The following TMOD2 variants were observed in gnomAD, a reference collection of about 807,000 sequenced individuals.
The protein encoded by TMOD2 is tropomodulin 2.
Under a neutral mutation model 39.9 loss-of-function variants are expected in TMOD2, and 22 were observed. That is an observed-to-expected ratio of 0.55 (90% CI 0.39 to 0.79). The LOEUF is 0.79. Ranked by LOEUF, TMOD2 falls within the 30% of genes least tolerant of loss-of-function variation. TMOD2 has a pLI of 0.00. For synonymous variants in TMOD2, 123 were observed against 146.1 expected, an observed-to-expected ratio of 0.84 and a Z score of 1.14; for missense variants, 386 against 413.3, an observed-to-expected ratio of 0.93 and a Z score of 0.57.
At chr15:51,805,552 C>T (rs1178305698) in intron 8 of TMOD2, among the ~76,000 whole-genome samples, 1 of 152,140 alleles carries the variant, frequency 6.6e-6, no homozygotes, top group African/African-American at 2.4e-5. Flanking sequence ...TATTTGATAG[C>T]ACAAATATAA....
Position 51,813,896 on chromosome 15 carries a change from G to C in TMOD2, c.*5442G>C, listed in dbSNP as rs2056172977. On this transcript the variant is annotated 3_prime_UTR_variant, in exon 10 of 10. Transcript: ENST00000249700. Reference sequence around the variant, plus strand: ...ACTGTTTTCCACTGCCTCTTGAATCGGCTTTATTCTAACCAACCATTACAT... The same window carrying C: ...ACTGTTTTCCACTGCCTCTTGAATCCGCTTTATTCTAACCAACCATTACAT... 6.6e-6 allele frequency: 1 copy of C among 152,078 alleles called. No homozygotes were observed. The highest frequency in any genetic ancestry group is 1.5e-5 in the Non-Finnish European group (1 of 68,010). The allele number at this position is 152,078 out of a possible 1,614,324, so 9.4% of individuals were successfully genotyped here. A position where few individuals can be genotyped will look rare whatever the true frequency, so the allele number is the denominator to read the frequency against.
rs34791185 is a variant in TMOD2 at position 51,768,322 on chromosome 15, C to G, written c.187C>G (p.Pro63Ala). 5.9e-3 allele frequency: 9,466 copies of G among 1,614,130 alleles called. 877 individuals carry two copies. In the Admixed American group the frequency reaches 0.15, roughly 26 times the overall value. Residue 63 changes from proline to alanine, a missense_variant, in exon 3 of 10, where the codon CCC becomes GCC. Pro to Ala is a conservative substitution (Grantham distance 27, BLOSUM62 -1). Transcript: ENST00000249700. ...CCAGACACAGAAGGCAGCCACCGGC[C>G]CCTTTGACCGCGAGCACCTCCTCAT... Reference protein sequence around the residue: ...KDQTQKAATGPFDREHLLMYL... With the variant: ...KDQTQKAATGAFDREHLLMYL...
At chr15:51,793,483 G>C (rs1353871614) in intron 7 of TMOD2, among the ~76,000 whole-genome samples, 2 of 152,114 alleles carry the variant, frequency 1.3e-5, no homozygotes, top group Non-Finnish European at 2.9e-5. Context: ...CTACCATTTG[G>C]CCAGTGCAGA....
chr15:51,776,294 T>C (rs1169867086), intron 4 of TMOD2, among the ~76,000 whole-genome samples: 1 of 152,262 alleles, frequency 6.6e-6, no homozygotes, highest in Non-Finnish European at 1.5e-5. Context: ...AAGGGAAATC[T>C]GCGTAGCAGT....
chr15:51,781,718 T>C (rs34504520), intron 6 of TMOD2, among the ~76,000 whole-genome samples: 59,626 of 151,686 alleles, frequency 0.39, 11,819 homozygotes, highest in Middle Eastern at 0.45. Flanking sequence ...ATACCTGTTA[T>C]GACCTGGTTT....
rs946846167 is a variant in TMOD2, at chr15:51,815,549, A to C, written c.*7095A>C. ...AGATAGGAATCGGCCATATGACGAA[A>C]TGAGATCAATAGGAAATGTGCTTTT... On this transcript the variant is annotated 3_prime_UTR_variant, in exon 10 of 10. Transcript: ENST00000249700. 1.3e-5 allele frequency: 2 copies of C among 152,214 alleles called. No individual in the cohort carries two copies. The highest frequency in any genetic ancestry group is 2.9e-5 in the Non-Finnish European group (2 of 68,028). The allele number at this position is 152,214 out of a possible 1,614,324, so 9.4% of individuals were successfully genotyped here. A position where few individuals can be genotyped will look rare whatever the true frequency, so the allele number is the denominator to read the frequency against.
chr15:51,758,631 C>G (rs774935714), intron 1 of TMOD2, among the ~76,000 whole-genome samples: 10 of 152,198 alleles, frequency 6.6e-5, no homozygotes, highest in Non-Finnish European at 1.5e-4. Flanking sequence ...CAGTCCCCCT[C>G]CCTCACAGAG....
intron 8 of TMOD2, among the ~76,000 whole-genome samples, chr15:51,801,237 T>TCTCACA (rs1491214017): frequency 0.03 from 3,084 of 102,044 alleles, 52 homozygotes; most frequent in Middle Eastern, 0.039. Context: ...TCTCTCTCTC[T>TCTCACA]CACACACACA....
At chr15:51,765,290 C>T (rs1159256280) in intron 1 of TMOD2, among the ~76,000 whole-genome samples, 3 of 152,162 alleles carry the variant, frequency 2.0e-5, no homozygotes, top group Non-Finnish European at 2.9e-5. Context: ...CGTGAGCCAA[C>T]GTTCCTGGCC....
At chr15:51,783,719 A>G (rs1006983950) in intron 7 of TMOD2, 6 of 151,794 alleles carry the variant, frequency 4.0e-5, no homozygotes, top group Non-Finnish European at 8.8e-5. Context: ...GCACCTCTGC[A>G]CTCCAGTCTG....
At position 51,808,768 on chromosome 15, in the gene TMOD2, G is replaced by GT. The variant is rs891292623; in HGVS notation, c.*321dup. On this transcript the variant is annotated 3_prime_UTR_variant, in exon 10 of 10. Coordinates refer to ENST00000249700, the MANE Select transcript of TMOD2 (RefSeq NM_014548.4). ...TTGTCTTGCTTTCTTACATGAACTT[G>GT]TTTTTTTAATCACTGAAAGGAATTT... 5 of 253,236 alleles carry GT rather than the reference G, an allele frequency of 2.0e-5. No homozygotes were observed. Among genetic ancestry groups the GT allele is most frequent in the Non-Finnish European group, 3.8e-5 (5 of 131,294 alleles). The allele number at this position is 253,236 out of a possible 1,614,324, so 15.7% of individuals were successfully genotyped here. A position where few individuals can be genotyped will look rare whatever the true frequency, so the allele number is the denominator to read the frequency against.
intron 7 of TMOD2, among the ~76,000 whole-genome samples, chr15:51,797,881 CAA>C (rs199742341): frequency 0.013 from 1,364 of 106,642 alleles, 12 homozygotes; most frequent in African/African-American, 0.026. Context: ...TGTGTTTTCT[CAA>C]AAAAAAAAAA....
intron 5 of TMOD2, among the ~76,000 whole-genome samples, chr15:51,780,706 G>A (rs969634811): frequency 5.9e-5 from 9 of 152,212 alleles, no homozygotes; most frequent in Non-Finnish European, 1.2e-4. Flanking sequence ...AGATCCTGTA[G>A]TCTAGTTAGT....
chr15:51,773,565 A>G (rs2055867536), intron 3 of TMOD2, 147 bp from the exon 4 acceptor site: 1 of 665,748 alleles, frequency 1.5e-6, no homozygotes, highest in Non-Finnish European at 2.4e-6. Context: ...TGTTGGTACC[A>G]TCCTGGCAAT....
At chr15:51,789,967 A>G (rs2055998890) in intron 7 of TMOD2, among the ~76,000 whole-genome samples, 1 of 152,204 alleles carries the variant, frequency 6.6e-6, no homozygotes, top group African/African-American at 2.4e-5. Flanking sequence ...AGCAAGAGCA[A>G]ACATATTCAA....
At chr15:51,806,599 C>G in intron 9 of TMOD2, 78 bp downstream of exon 9, 3 of 1,527,328 alleles carry the variant, frequency 2.0e-6, no homozygotes, top group Non-Finnish European at 2.7e-6. Flanking sequence ...CGCAGCATCT[C>G]ACAGATACCA....
intron 8 of TMOD2, among the ~76,000 whole-genome samples, chr15:51,803,963 A>G (rs1037254713): frequency 1.1e-4 from 16 of 152,288 alleles, no homozygotes; most frequent in Non-Finnish European, 2.2e-4. Flanking sequence ...AAAGGTTAGT[A>G]GTATCTTATT....
chr15:51,811,527 G>T lies in TMOD2; in HGVS notation c.*3073G>T, dbSNP rs1010215607. On this transcript the variant is annotated 3_prime_UTR_variant, in exon 10 of 10. Coordinates refer to ENST00000249700, the MANE Select transcript of TMOD2 (RefSeq NM_014548.4). ...TTAGGAGAAAAACCTTAGAAGTCTA[G>T]AAATCATATGATTAGTTCAGCACTG... is the stretch of plus-strand genomic sequence containing the variant. 5.3e-5 allele frequency: 8 copies of T among 152,364 alleles called. No individual in the cohort carries two copies. The highest frequency in any genetic ancestry group is 7.2e-5 in the African/African-American group (3 of 41,438). The allele number at this position is 152,364 out of a possible 1,614,324, so 9.4% of individuals were successfully genotyped here. A position where few individuals can be genotyped will look rare whatever the true frequency, so the allele number is the denominator to read the frequency against.
intron 8 of TMOD2, among the ~76,000 whole-genome samples, chr15:51,799,274 T>C (rs2056073085): frequency 6.6e-6 from 1 of 152,108 alleles, no homozygotes; most frequent in Non-Finnish European, 1.5e-5. Flanking sequence ...GAGAGACAGT[T>C]GGGGAAGTGA....
Sources: gnomAD v4.1 joint callset for allele counts (sites outside exome capture counted in the v4.1 genomes callset) on GRCh38, gnomAD v4.1.1 for gene constraint, MANE v1.5 for transcripts, NCBI Gene and HGNC (gene_info 2026-07-23, HGNC 2026-07-21) for gene names.